SLC26A7: variants seen among roughly 807,000 people sequenced by gnomAD.
The protein encoded by SLC26A7 is solute carrier family 26 member 7.
Under a neutral mutation model 82.5 loss-of-function variants are expected in SLC26A7, and 59 were observed. The observed-to-expected ratio is 0.72, with a 90% CI of 0.58 to 0.89. The LOEUF (loss-of-function observed/expected upper bound fraction) is 0.89. Among genes scored for constraint, SLC26A7 ranks in the 40% least tolerant of loss-of-function variants. SLC26A7 has a pLI of 0.00. For missense variants in SLC26A7, 820 were observed against 793.0 expected (o/e 1.03, Z -0.41); for synonymous variants, 271 against 274.3 (o/e 0.99, Z 0.12).
At chr8:91,378,148 A>T (rs1814567785) in intron 15 of SLC26A7, among the ~76,000 whole-genome samples, 1 of 151,948 alleles carries the variant, frequency 6.6e-6, no homozygotes. Flanking sequence ...CAAAAACTTA[A>T]TAGATGGTCA....
intron 5 of SLC26A7, among the ~76,000 whole-genome samples, chr8:91,320,908 T>G (rs1011413878): frequency 1.5e-4 from 23 of 152,220 alleles, no homozygotes; most frequent in Admixed American, 1.4e-3. Context: ...AAATTGGATA[T>G]CTAGAATATT....
At chr8:91,228,217 G>T (rs1211471950) in intron 2 of SLC26A7, among the ~76,000 whole-genome samples, 1 of 152,232 alleles carries the variant, frequency 6.6e-6, no homozygotes, top group Non-Finnish European at 1.5e-5. Context: ...CATGTGCCTT[G>T]TTTCTAGATG....
At chr8:91,229,015 G>C (rs960092140) in intron 2 of SLC26A7, among the ~76,000 whole-genome samples, 1 of 152,218 alleles carries the variant, frequency 6.6e-6, no homozygotes, top group East Asian at 1.9e-4. Context: ...AAACTTAGGA[G>C]TGGACGGACA....
intron 4 of SLC26A7, among the ~76,000 whole-genome samples, chr8:91,307,072 A>G (rs1283161660): frequency 1.5e-5 from 2 of 137,712 alleles, no homozygotes; most frequent in Admixed American, 7.6e-5. Flanking sequence ...TGGCCATCAG[A>G]GAAATGCAAA....
chr8:91,352,150 G>C (rs1813734507), intron 10 of SLC26A7, among the ~76,000 whole-genome samples: 1 of 152,030 alleles, frequency 6.6e-6, no homozygotes, highest in South Asian at 2.1e-4. Flanking sequence ...TGCTCATCTG[G>C]AGAGTGGAAC....
intron 6 of SLC26A7, among the ~76,000 whole-genome samples, chr8:91,337,809 A>C (rs1813285944): frequency 6.6e-6 from 1 of 152,148 alleles, no homozygotes; most frequent in Non-Finnish European, 1.5e-5. Context: ...ATGGGAGGCA[A>C]GTATTTAGGT....
At chr8:91,331,273 T>C (rs1162416952) in intron 5 of SLC26A7, among the ~76,000 whole-genome samples, 1 of 152,136 alleles carries the variant, frequency 6.6e-6, no homozygotes. Flanking sequence ...ATCTGAAACT[T>C]TTCTTTTCCG....
chr8:91,343,165 G>A (rs866763418), intron 8 of SLC26A7, 188 bp from the exon 9 acceptor site: 1 of 540,316 alleles, frequency 1.9e-6, no homozygotes, highest in African/African-American at 1.9e-5. Context: ...AAGTGCTTGA[G>A]AACAATTTCT....
At chr8:91,313,749 G>A (rs563465272) in intron 4 of SLC26A7, among the ~76,000 whole-genome samples, 1 of 152,248 alleles carries the variant, frequency 6.6e-6, no homozygotes, top group South Asian at 2.1e-4. Context: ...CAACAGTGCT[G>A]TGCCTAACTC....
rs189791259 is a variant in SLC26A7, at chr8:91,286,683, A to G, written c.194-2453A>G. ...TTATTTGAATTGAAAGCCATGTTTT[A>G]TTACAGAGAAAGTAGAGATAATTCT... On this transcript the variant is annotated intron_variant, in intron 2 of 18. Transcript: ENST00000276609. Among the ~76,000 whole-genome samples, 13 of 152,332 alleles carry G rather than the reference A, an allele frequency of 8.5e-5. No homozygotes were observed. The East Asian group carries it at 1.5e-3, about 18-fold the overall frequency.
At chr8:91,385,518 T>C (rs1814776915) in intron 15 of SLC26A7, among the ~76,000 whole-genome samples, 1 of 152,240 alleles carries the variant, frequency 6.6e-6, no homozygotes, top group Non-Finnish European at 1.5e-5. Context: ...ATTGCCTCTC[T>C]TCAAATAGCT....
At position 91,321,371 on chromosome 8, in the gene SLC26A7, A is replaced by T. The variant is rs139924478; in HGVS notation, c.642+2991A>T. Among the ~76,000 whole-genome samples the T allele has an allele frequency of 3.3e-4, 50 of 152,310 alleles. No homozygotes were observed. The East Asian group carries it at 7.0e-3, about 21-fold the overall frequency. On this transcript the variant is annotated intron_variant, in intron 5 of 18. Transcript: ENST00000276609. Reference sequence around the variant, plus strand: ...TGCCTTCCCCTTTTCTACTTCTGGCATGAGGAAAACACGCCCCGACTCCAG... The same window carrying T: ...TGCCTTCCCCTTTTCTACTTCTGGCTTGAGGAAAACACGCCCCGACTCCAG...
chr8:91,287,887 T>C (rs549258551), intron 2 of SLC26A7, among the ~76,000 whole-genome samples: 1 of 152,312 alleles, frequency 6.6e-6, no homozygotes, highest in East Asian at 1.9e-4. Context: ...ACCATGCCTT[T>C]ATGAAATTCT....
chr8:91,365,666 A>C (rs1814172095), intron 13 of SLC26A7, among the ~76,000 whole-genome samples: 1 of 152,234 alleles, frequency 6.6e-6, no homozygotes, highest in Non-Finnish European at 1.5e-5. Context: ...TCTAGTTTAA[A>C]CATTTATCTC....
chr8:91,317,430 T>G (rs1812668827), intron 4 of SLC26A7, among the ~76,000 whole-genome samples: 2 of 152,232 alleles, frequency 1.3e-5, no homozygotes, highest in African/African-American at 4.8e-5. Flanking sequence ...TCCTAATGTA[T>G]TCTTATTAAA....
At chr8:91,220,708 T>C (rs1344389418) in intron 2 of SLC26A7, among the ~76,000 whole-genome samples, 4 of 152,236 alleles carry the variant, frequency 2.6e-5, no homozygotes, top group African/African-American at 9.6e-5. Context: ...CTGCATAGTA[T>C]TCCATGGTGT....
chr8:91,363,567 C>A, intron 13 of SLC26A7, 29 bp downstream of exon 13: 1 of 1,276,288 alleles, frequency 7.8e-7, no homozygotes, highest in South Asian at 1.4e-5. Context: ...TTCCTTTATG[C>A]AATTGTTAAT....
intron 5 of SLC26A7, among the ~76,000 whole-genome samples, chr8:91,323,478 C>T (rs1183511617): frequency 6.6e-6 from 1 of 152,104 alleles, no homozygotes; most frequent in Non-Finnish European, 1.5e-5. Flanking sequence ...ACTAATTTAC[C>T]AAACAAGAGA....
chr8:91,352,173 G>A (rs1038722121), intron 10 of SLC26A7, among the ~76,000 whole-genome samples: 3 of 152,022 alleles, frequency 2.0e-5, no homozygotes, highest in African/African-American at 4.8e-5. Context: ...GGCATATTCT[G>A]TTATAAGAAG....
Sources: allele counts gnomAD v4.1 joint callset (sites outside exome capture counted in the v4.1 genomes callset), GRCh38; gene constraint gnomAD v4.1.1; transcripts MANE v1.5; gene names NCBI Gene and HGNC (gene_info 2026-07-23, HGNC 2026-07-21).